The following CARD10 variants were observed in gnomAD, a reference collection of about 807,000 sequenced individuals.
CARD10 encodes caspase recruitment domain family member 10.
In CARD10, 49 loss-of-function variants were observed where a neutral mutation model predicts 114.6. The ratio of observed to expected loss-of-function variants is 0.43; its 90% CI spans 0.34 to 0.54. The LOEUF (loss-of-function observed/expected upper bound fraction) is 0.54. CARD10 is among the 20% of genes least tolerant of loss of function. The pLI is 0.03. For synonymous variants in CARD10, 602 were observed against 593.2 expected, an observed-to-expected ratio of 1.01 and a Z score of -0.21; for missense variants, 1,206 against 1,397.2, an observed-to-expected ratio of 0.86 and a Z score of 2.18.
At chr22:37,515,763 T>C (rs6000761) in intron 3 of CARD10, among the ~76,000 whole-genome samples, 113,603 of 151,974 alleles carry the variant, frequency 0.75, 43,718 homozygotes, top group African/African-American at 0.94. Flanking sequence ...AAATATTTCC[T>C]AGACATGGCC....
chr22:37,495,584 G>C lies in CARD10; in HGVS notation c.2306C>G (p.Ala769Gly), dbSNP rs759233532. 1.9e-6 allele frequency: 3 copies of C among 1,613,452 alleles called. No homozygotes were observed. In the Admixed American group the frequency reaches 5.0e-5, roughly 27 times the overall value. ...DRGTVPNYQR[A>G]QQLLEVQEKC... The stretch of plus-strand genomic sequence containing the variant: ...CTCCTGAACTTCTAGGAGCTGCTGG[G>C]CTCTGTGGGAGGGAGTGACATCATG... The change falls in exon 15 of 20, where the codon GCC becomes GGC. Residue 769 changes from alanine (A) to glycine (G), a missense_variant and splice_region_variant. Around this residue, in one of 2 missense-constraint regions of CARD10, gnomAD observed 1,068 missense variants for 1,179.1 expected, o/e 0.91. Coordinates refer to ENST00000251973, the MANE Select transcript of CARD10 (RefSeq NM_014550.4).
rs1923280658 is a variant in CARD10 at position 37,503,230 on chromosome 22, C to A, written c.1635-17G>T. On this transcript the variant is annotated splice_polypyrimidine_tract_variant and intron_variant, in intron 9 of 19. Coordinates refer to ENST00000251973, the MANE Select transcript of CARD10 (RefSeq NM_014550.4). The stretch of plus-strand genomic sequence containing the variant: ...CTGAAGGATCTGGGCAGAGAGAGGG[C>A]AGGGAGGGGGCAGGAGGTGAGGCAC... 4 of 1,608,668 alleles carry A rather than the reference C, an allele frequency of 2.5e-6. No individual in the cohort carries two copies. Among genetic ancestry groups the A allele is most frequent in the Non-Finnish European group, 3.4e-6 (4 of 1,177,926 alleles).
In CARD10 at chr22:37,492,818, G is replaced by C; in HGVS notation, c.2477-16C>G. On this transcript the variant is annotated splice_polypyrimidine_tract_variant and intron_variant, in intron 16 of 19. Transcript: ENST00000251973. This position sits in a 1 kb window ranked among gnomAD's most constrained non-coding sequence, Gnocchi z 5.7. ...CGCTCCGGCTCTGTGGCAGGGGAGG[G>C]GCGCAAAAGAGATAAGGGCACAGGC... 6.2e-7 allele frequency: 1 copy of C among 1,606,994 alleles called. No homozygotes were observed. Among genetic ancestry groups the C allele is most frequent in the Middle Eastern group, 1.7e-4 (1 of 6,034 alleles).
intron 6 of CARD10, among the ~76,000 whole-genome samples, chr22:37,507,129 A>G (rs185483619): frequency 4.6e-5 from 7 of 152,306 alleles, no homozygotes; most frequent in African/African-American, 9.6e-5. Flanking sequence ...AGATACAAAA[A>G]TTAGCCAGGA....
chr22:37,514,198 G>A (rs548433624), intron 3 of CARD10, among the ~76,000 whole-genome samples: 1 of 152,210 alleles, frequency 6.6e-6, no homozygotes, highest in Non-Finnish European at 1.5e-5. Context: ...CTAGAAATGG[G>A]GAAGATAGTG....
rs200740886 is a variant in CARD10 at position 37,502,626 on chromosome 22, C to T, written c.1763G>A (p.Gly588Asp). 2.2e-5 allele frequency: 35 copies of T among 1,613,914 alleles called. No individual in the cohort carries two copies. Among genetic ancestry groups the T allele is most frequent in the Non-Finnish European group, 2.5e-5 (30 of 1,179,960 alleles). Reference protein sequence around the residue: ...LGKPEGLLARGCGLDFLNRSL... With the variant: ...LGKPEGLLARDCGLDFLNRSL... ...CCTGTTGAGGAAGTCCAGGCCACAGCCCCGAGCCAGGAGGCCTTCCGGCTT... is the reference window on the plus strand; with the variant it reads ...CCTGTTGAGGAAGTCCAGGCCACAGTCCCGAGCCAGGAGGCCTTCCGGCTT... Residue 588 changes from glycine (G) to aspartate (D), a missense_variant, in exon 11 of 20, where the codon GGC becomes GAC. Physicochemically the swap from Gly to Asp is moderately conservative, Grantham distance 94. Coordinates refer to ENST00000251973, the MANE Select transcript of CARD10 (RefSeq NM_014550.4).
intron 3 of CARD10, among the ~76,000 whole-genome samples, chr22:37,515,512 G>A (rs1219110416): frequency 2.8e-5 from 4 of 142,754 alleles, no homozygotes; most frequent in Admixed American, 7.2e-5. Flanking sequence ...GCAAGGAGCC[G>A]AGATCACACC....
intron 6 of CARD10, 145 bp from the exon 7 acceptor site, chr22:37,506,528 C>T (rs1376508756): frequency 1.1e-4 from 56 of 516,720 alleles, no homozygotes; most frequent in Non-Finnish European, 1.7e-4. Context: ...GCTAAATTAT[C>T]AGCTCATTTA....
chr22:37,494,009 G>T, intron 16 of CARD10, 77 bp downstream of exon 16: 2 of 1,129,336 alleles, frequency 1.8e-6, no homozygotes, highest in Non-Finnish European at 2.6e-6. Flanking sequence ...GGCCACCCAA[G>T]CTAAAGGACA....
chr22:37,508,678 G>A lies in CARD10; in HGVS notation c.914C>T (p.Ala305Val), dbSNP rs762501467. 5.1e-6 allele frequency: 8 copies of A among 1,557,430 alleles called. No homozygotes were observed. The highest frequency in any genetic ancestry group is 2.7e-5 in the African/African-American group (2 of 73,850). Residue 305 changes from alanine to valine, a missense_variant, in exon 5 of 20, where the codon GCG becomes GTG. Physicochemically the swap from Ala to Val is moderately conservative, Grantham distance 64 (BLOSUM62 0). Around this residue, in one of 2 missense-constraint regions of CARD10, gnomAD observed 1,068 missense variants for 1,179.1 expected, o/e 0.91. Transcript: ENST00000251973. ...GGAGCCCGGGGCCCCCGGCCGGCTC[G>A]CCTCCTGGGGATCACAGGGCAGGGC... Reference protein sequence around the residue: ...RELQEGLQQEASRPGAPGSER... With the variant: ...RELQEGLQQEVSRPGAPGSER...
At chr22:37,494,969 G>T (rs575883126) in intron 15 of CARD10, among the ~76,000 whole-genome samples, 53 of 147,004 alleles carry the variant, frequency 3.6e-4, no homozygotes, top group African/African-American at 1.2e-3. Context: ...TGTTTTTTTT[G>T]TTTTTTTTTT....
chr22:37,491,495 A>G, intron 19 of CARD10, 102 bp from the exon 20 acceptor site: 1 of 674,186 alleles, frequency 1.5e-6, no homozygotes, highest in Non-Finnish European at 2.1e-6. Context: ...GAGAGAGAAG[A>G]TGGACAACCA....
Position 37,492,190 on chromosome 22 carries a change from T to C in CARD10, c.2751+245A>G, listed in dbSNP as rs1284808776. 6.6e-6 allele frequency among the ~76,000 whole-genome samples: 1 copy of C among 151,848 alleles called. No individual in the cohort carries two copies. Among genetic ancestry groups the C allele is most frequent in the Non-Finnish European group, 1.5e-5 (1 of 67,962 alleles). On this transcript the variant is annotated intron_variant, in intron 18 of 19. Coordinates refer to ENST00000251973, the MANE Select transcript of CARD10 (RefSeq NM_014550.4). The surrounding 1 kb of genome is among the most constrained non-coding windows in gnomAD (Gnocchi z 5.7). ...ATAGTGGCAAGTTCAAGGATAAGGATGTGTAGGTGAGCTGTGTCAGCCAAA... is the reference window on the plus strand; with the variant it reads ...ATAGTGGCAAGTTCAAGGATAAGGACGTGTAGGTGAGCTGTGTCAGCCAAA...
chr22:37,494,919 C>T (rs1922938009), intron 15 of CARD10, among the ~76,000 whole-genome samples: 1 of 152,186 alleles, frequency 6.6e-6, no homozygotes, highest in Non-Finnish European at 1.5e-5. Context: ...GAAGCCCAGC[C>T]ACCATCCAGG....
At chr22:37,509,267 G>A (rs894452029) in intron 4 of CARD10, 1 of 813,922 alleles carries the variant, frequency 1.2e-6, no homozygotes, top group South Asian at 2.4e-5. Context: ...CACTAAGCAA[G>A]CCCTAGGGCC....
At chr22:37,511,396 G>A (rs906852404) in intron 3 of CARD10, among the ~76,000 whole-genome samples, 2 of 139,144 alleles carry the variant, frequency 1.4e-5, no homozygotes, top group South Asian at 2.4e-4. Context: ...AGGAGAAGGG[G>A]GTGAGGAGGA....
At position 37,494,114 on chromosome 22, in the gene CARD10, CG is replaced by C; in HGVS notation, c.2447del (p.Pro816ArgfsTer49). The C allele has an allele frequency of 6.4e-7, 1 of 1,558,798 alleles. No individual in the cohort carries two copies. Among genetic ancestry groups the C allele is most frequent in the Non-Finnish European group, 8.7e-7 (1 of 1,151,562 alleles). On this transcript the variant is annotated frameshift_variant, in exon 16 of 20. Coordinates refer to ENST00000251973, the MANE Select transcript of CARD10 (RefSeq NM_014550.4). LOFTEE classifies it high-confidence loss of function. ...KPVGAPAGDSPDQLLLEPCAE... is the reference protein window; with the variant it reads ...KPVGAPAGDSXDQLLLEPCAE... ...CACAGGGCTCCAGCAGCAGCTGATCCGGGGAGTCCCCTGCAGGCGCCCCCAC... is the reference window on the plus strand; with the variant it reads ...CACAGGGCTCCAGCAGCAGCTGATCCGGGAGTCCCCTGCAGGCGCCCCCAC...
intron 15 of CARD10, chr22:37,494,684 CG>C (rs1922930177): frequency 1.2e-5 from 2 of 166,702 alleles, no homozygotes; most frequent in Admixed American, 1.1e-4. Context: ...CACTAACTCA[CG>C]GAAGTCATCT....
At position 37,497,725 on chromosome 22, in the gene CARD10, G is replaced by A. The variant is rs190008634; in HGVS notation, c.1788-547C>T. 1.1e-3 allele frequency among the ~76,000 whole-genome samples: 162 copies of A among 152,162 alleles called. 2 individuals carry two copies. In the East Asian group the frequency reaches 0.023, roughly 22 times the overall value. On this transcript the variant is annotated intron_variant, in intron 11 of 19. Coordinates refer to ENST00000251973, the MANE Select transcript of CARD10 (RefSeq NM_014550.4). ...AAAAATACAAAAAAATTAGCCGGGC[G>A]TGGTGGTGGGCGCCTGTAATTCCAG...
Sources: gnomAD v4.1 joint callset for allele counts (sites outside exome capture counted in the v4.1 genomes callset) on GRCh38, gnomAD v4.1.1 for gene constraint, gnomAD v4.1.1 regional missense constraint, Gnocchi (gnomAD v3.1) non-coding constraint, MANE v1.5 for transcripts, NCBI Gene and HGNC (gene_info 2026-07-23, HGNC 2026-07-21) for gene names.